Variants in SAMD3 observed in about 807,000 individuals in gnomAD.
SAMD3 encodes sterile alpha motif domain-containing protein 3.
Under a neutral mutation model 58.5 loss-of-function variants are expected in SAMD3, and 63 were observed. The observed-to-expected ratio is 1.08, with a 90% CI of 0.88 to 1.33. SAMD3 has a LOEUF of 1.33. Among genes scored for constraint, SAMD3 ranks in the 40% most tolerant of loss-of-function variants. The probability of loss-of-function intolerance (pLI) is 0.00; values close to 1 mark genes in which losing one functional copy is unlikely to be tolerated. For synonymous variants in SAMD3, 220 were observed against 210.3 expected (o/e 1.05, Z -0.40); for missense variants, 604 against 608.4 (o/e 0.99, Z 0.08).
At chr6:130,176,152 A>T in intron 7 of SAMD3, 144 bp from the exon 8 acceptor site, 1 of 720,726 alleles carries the variant, frequency 1.4e-6, no homozygotes, top group Non-Finnish European at 2.5e-6. Flanking sequence ...CAATATATCT[A>T]TCCTTCCTTT....
chr6:130,200,525 G>A (rs1254510574), intron 5 of SAMD3, among the ~76,000 whole-genome samples: 1 of 144,300 alleles, frequency 6.9e-6, no homozygotes, highest in Non-Finnish European at 1.5e-5. Context: ...CTCCAGCCAG[G>A]GCAATGGAGC....
intron 5 of SAMD3, among the ~76,000 whole-genome samples, chr6:130,193,093 C>T (rs975244400): frequency 1.6e-4 from 25 of 152,204 alleles, no homozygotes; most frequent in African/African-American, 6.0e-4. Flanking sequence ...GGACGCCTCT[C>T]TGATTATTCA....
chr6:130,154,714 A>AAAAAAAAT (rs1789598040), intron 9 of SAMD3, 111 bp downstream of exon 9: 1 of 89,574 alleles, frequency 1.1e-5, no homozygotes, highest in African/African-American at 5.1e-5. Context: ...AAAAAAAAAA[A>AAAAAAAAT]AAAAATATAT....
intron 1 of SAMD3, among the ~76,000 whole-genome samples, chr6:130,219,501 C>G (rs999972553): frequency 3.3e-5 from 5 of 152,108 alleles, no homozygotes; most frequent in Non-Finnish European, 7.4e-5. Context: ...CACTTTTTCC[C>G]GAGTCCTCAA....
intron 1 of SAMD3, among the ~76,000 whole-genome samples, chr6:130,326,315 C>G (rs1583109825): frequency 6.6e-6 from 1 of 151,612 alleles, no homozygotes; most frequent in Admixed American, 6.6e-5. Context: ...CCTGATATCT[C>G]CTGCCCCTAT....
At chr6:130,167,180 A>C (rs2114636330) in intron 8 of SAMD3, among the ~76,000 whole-genome samples, 1 of 152,292 alleles carries the variant, frequency 6.6e-6, no homozygotes, top group Admixed American at 6.5e-5. Flanking sequence ...AAAAGGTGAA[A>C]CCGAATGAGG....
At chr6:130,350,796 G>A (rs1283029997) in intron 1 of SAMD3, among the ~76,000 whole-genome samples, 1 of 152,148 alleles carries the variant, frequency 6.6e-6, no homozygotes, top group Non-Finnish European at 1.5e-5. Context: ...AGGCAAAGCT[G>A]GAGGCATCAC....
Position 130,365,352 on chromosome 6 carries a change from C to A in SAMD3, c.-536G>T, listed in dbSNP as rs527432601. ...TTCCCCCGCCCATGGTTCTCGCCCC[C>A]CCAAGCCGTTCTCCGGAACCCCTTG... On this transcript the variant is annotated 5_prime_UTR_variant, in exon 1 of 14. Coordinates refer to the SAMD3 transcript ENST00000368134. The A allele has an allele frequency of 1.0e-5, 10 of 985,656 alleles. No homozygotes were observed. In the East Asian group the frequency reaches 3.4e-4, roughly 34 times the overall value. 61.1% of individuals were successfully genotyped at this position (985,656 alleles called of 1,614,324 possible). A position where few individuals can be genotyped will look rare whatever the true frequency, so the allele number is the denominator to read the frequency against.
chr6:130,314,469 A>G (rs973117180), intron 1 of SAMD3, among the ~76,000 whole-genome samples: 2 of 152,222 alleles, frequency 1.3e-5, no homozygotes, highest in African/African-American at 4.8e-5. Context: ...AATCAAAGGC[A>G]TACGTTCTTA....
At chr6:130,193,422 TGC>T (rs1793752136) in intron 5 of SAMD3, among the ~76,000 whole-genome samples, 1 of 152,046 alleles carries the variant, frequency 6.6e-6, no homozygotes, top group African/African-American at 2.4e-5. Context: ...CTCTTATCTC[TGC>T]GCCCTGATCC....
intron 1 of SAMD3, among the ~76,000 whole-genome samples, chr6:130,342,065 G>A (rs1208997248): frequency 1.3e-5 from 2 of 152,150 alleles, no homozygotes; most frequent in East Asian, 3.9e-4. Context: ...TTAGTTGGGT[G>A]GTCCACAGAA....
intron 1 of SAMD3, among the ~76,000 whole-genome samples, chr6:130,221,080 T>C (rs1796203469): frequency 6.6e-6 from 1 of 151,952 alleles, no homozygotes; most frequent in African/African-American, 2.4e-5. Context: ...GGTCTCGATC[T>C]CCTGACCTTG....
chr6:130,344,207 C>G (rs1435074661), intron 1 of SAMD3, among the ~76,000 whole-genome samples: 1 of 152,228 alleles, frequency 6.6e-6, no homozygotes, highest in Non-Finnish European at 1.5e-5. Context: ...CTAGTAAGAA[C>G]AGCTGCTAAC....
chr6:130,155,103 T>G, intron 8 of SAMD3, 78 bp from the exon 9 acceptor site: 2 of 1,101,372 alleles, frequency 1.8e-6, no homozygotes, highest in Non-Finnish European at 2.7e-6. Flanking sequence ...TTGCACACTC[T>G]TAACTCATTC....
intron 1 of SAMD3, among the ~76,000 whole-genome samples, chr6:130,326,367 A>ATTTTTTTTTTTT (rs537066801): frequency 1.6e-5 from 2 of 128,834 alleles, no homozygotes; most frequent in Admixed American, 8.0e-5. Flanking sequence ...ATGCCTGGTC[A>ATTTTTTTTTTTT]TTTTTTTTTT....
At chr6:130,316,543 T>A (rs989773986) in intron 1 of SAMD3, among the ~76,000 whole-genome samples, 1 of 152,130 alleles carries the variant, frequency 6.6e-6, no homozygotes, top group Admixed American at 6.5e-5. Flanking sequence ...GGTACTATGA[T>A]AAGAGCTTTA....
At chr6:130,179,694 C>T (rs1406268668) in intron 7 of SAMD3, among the ~76,000 whole-genome samples, 1 of 149,446 alleles carries the variant, frequency 6.7e-6, no homozygotes, top group African/African-American at 2.5e-5. Context: ...ATCTTTAAAA[C>T]ATTTTTGAAA....
intron 2 of SAMD3, among the ~76,000 whole-genome samples, chr6:130,289,966 G>C (rs943434802): frequency 7.2e-6 from 1 of 138,308 alleles, no homozygotes; most frequent in African/African-American, 2.5e-5. Context: ...TCACGTACTA[G>C]AGCTTTGATT....
At chr6:130,148,185 T>C (rs961195181) in intron 9 of SAMD3, among the ~76,000 whole-genome samples, 1 of 152,216 alleles carries the variant, frequency 6.6e-6, no homozygotes, top group Non-Finnish European at 1.5e-5. Flanking sequence ...CTTTTCTAAT[T>C]CCTTTCTTTC....
Sources: gnomAD v4.1 joint callset for allele counts (sites outside exome capture counted in the v4.1 genomes callset) on GRCh38, gnomAD v4.1.1 for gene constraint, MANE v1.5 for transcripts, NCBI Gene and HGNC (gene_info 2026-07-23, HGNC 2026-07-21) for gene names.